The following CFAP47 variants were observed in gnomAD, a reference collection of about 807,000 sequenced individuals.
The protein encoded by CFAP47 is cilia and flagella associated protein 47.
In CFAP47, 29 loss-of-function variants were observed where a neutral mutation model predicts 148.1. The observed-to-expected ratio is 0.20, with a 90% confidence interval of 0.15 to 0.27. CFAP47 has a LOEUF of 0.27. Ranked by LOEUF, CFAP47 falls within the 10% of genes least tolerant of loss-of-function variation. The probability of loss-of-function intolerance (pLI) is 1.00; values close to 1 mark genes in which losing one functional copy is unlikely to be tolerated. For synonymous variants in CFAP47, 664 were observed against 577.3 expected (o/e 1.15, Z -2.15); for missense variants, 1,872 against 1,697.5 (o/e 1.10, Z -1.81).
intron 16 of CFAP47, chrX:35,990,158 G>A (rs1207717899): frequency 9.0e-6 from 1 of 111,704 alleles, no homozygotes; most frequent in Admixed American, 9.5e-5. Context: ...ATATACGAAG[G>A]CCTGATTGGT....
intron 25 of CFAP47, among the ~76,000 whole-genome samples, chrX:36,042,754 A>G (rs1408415259): frequency 1.8e-5 from 2 of 112,011 alleles, no homozygotes; most frequent in African/African-American, 3.2e-5. Context: ...AAATAAATTT[A>G]CATATTTCAT....
chrX:36,002,535 T>A (rs1444561187), intron 21 of CFAP47, among the ~76,000 whole-genome samples: 11 of 110,693 alleles, frequency 9.9e-5, no homozygotes, highest in Non-Finnish European at 1.7e-4. Flanking sequence ...TGAGCCAAGA[T>A]CGCGCCATTG....
chrX:36,095,933 G>A (rs1329719131), intron 30 of CFAP47, among the ~76,000 whole-genome samples: 1 of 110,894 alleles, frequency 9.0e-6, no homozygotes, highest in African/African-American at 3.3e-5. Context: ...CTTTCCTTAA[G>A]ATGGAATGTA....
At chrX:36,246,972 C>T (rs190979295) in intron 48 of CFAP47, among the ~76,000 whole-genome samples, 1 of 111,331 alleles carries the variant, frequency 9.0e-6, no homozygotes, top group East Asian at 2.8e-4. Context: ...GACACATGAA[C>T]TCATATGTTC....
chrX:36,100,892 G>T (rs1938364648), intron 32 of CFAP47, among the ~76,000 whole-genome samples: 1 of 111,256 alleles, frequency 9.0e-6, no homozygotes, highest in African/African-American at 3.3e-5. Flanking sequence ...TGCAGGTAGT[G>T]CTTATTTCTT....
chrX:36,165,201 A>G (rs1387648372), intron 39 of CFAP47, among the ~76,000 whole-genome samples: 2 of 111,810 alleles, frequency 1.8e-5, no homozygotes, highest in Non-Finnish European at 3.8e-5. Context: ...TTATTTAATC[A>G]ATTCACAAAT....
At chrX:36,190,839 G>A (rs928308415) in intron 42 of CFAP47, among the ~76,000 whole-genome samples, 22 of 110,876 alleles carry the variant, frequency 2.0e-4, no homozygotes, top group Middle Eastern at 4.7e-3. Context: ...CTGAGGGAAG[G>A]TTTATAGCAT....
chrX:35,967,422 TTTA>T (rs776440627), intron 9 of CFAP47, among the ~76,000 whole-genome samples, 194 bp from the exon 10 acceptor site: 3 of 111,039 alleles, frequency 2.7e-5, no homozygotes, highest in African/African-American at 9.8e-5. Flanking sequence ...TATATGCATT[TTTA>T]TTATTCATAT....
intron 46 of CFAP47, among the ~76,000 whole-genome samples, chrX:36,234,945 C>T (rs1405668814): frequency 4.5e-5 from 5 of 111,401 alleles, no homozygotes; most frequent in African/African-American, 1.3e-4. Context: ...TCGTGAACTG[C>T]GAATGCTGCT....
intron 45 of CFAP47, among the ~76,000 whole-genome samples, chrX:36,219,137 G>T (rs991679042): frequency 8.9e-6 from 1 of 111,755 alleles, no homozygotes; most frequent in Non-Finnish European, 1.9e-5. Context: ...ATTCTCTACA[G>T]ATACAAAATT....
At chrX:36,017,745 G>A (rs1441289383) in intron 22 of CFAP47, among the ~76,000 whole-genome samples, 1 of 111,135 alleles carries the variant, frequency 9.0e-6, no homozygotes, top group Admixed American at 9.6e-5. Flanking sequence ...TTGTCTATGT[G>A]TCTGTTTTTC....
At chrX:36,004,773 G>C (rs1936961654) in intron 21 of CFAP47, among the ~76,000 whole-genome samples, 2 of 110,499 alleles carry the variant, frequency 1.8e-5, no homozygotes, top group South Asian at 7.6e-4. Context: ...TCTTGGGGTT[G>C]ATGGAAACAT....
chrX:35,975,675 T>C lies in CFAP47; in HGVS notation c.2475T>C (p.Ser825=). Residue 825 remains serine, a synonymous_variant, in exon 15 of 64, where the codon TCT becomes TCC. Transcript: ENST00000378653. ...GGATGCTTTTGCTGCATTACAGGTC[T>C]TTCACCTTTACAGTGAACAATGTAC... ...DSPTIGKFWK[S]FTFTVNNVPS... is the part of the protein sequence containing the mutation. 7 of 1,209,753 alleles carry C rather than the reference T, an allele frequency of 5.8e-6. No homozygotes were observed. Among genetic ancestry groups the C allele is most frequent in the Non-Finnish European group, 7.8e-6 (7 of 894,035 alleles).
intron 29 of CFAP47, among the ~76,000 whole-genome samples, chrX:36,074,311 G>A (rs1937808568): frequency 9.0e-6 from 1 of 111,534 alleles, no homozygotes. Context: ...TGTCAGAAAT[G>A]CTCTTTGTTG....
At position 35,989,377 on chromosome X, in the gene CFAP47, T is replaced by C; in HGVS notation, c.2772T>C (p.Ser924=). The change falls in exon 16 of 64, where the codon AGT becomes AGC. Residue 924 remains serine (S), a synonymous_variant. Transcript: ENST00000378653. ...ECEVTWQQGF[S]SPEEGEFILH... is the part of the protein sequence containing the mutation. ...AAGTAACTTGGCAGCAGGGCTTCAG[T>C]TCTCCAGAAGAAGGAGAATTTATTC... The C allele has an allele frequency of 8.3e-7, 1 of 1,211,317 alleles. No homozygotes were observed. Among genetic ancestry groups the C allele is most frequent in the Non-Finnish European group, 1.1e-6 (1 of 894,921 alleles).
At chrX:36,157,214 A>G (rs1939378681) in intron 37 of CFAP47, among the ~76,000 whole-genome samples, 2 of 112,396 alleles carry the variant, frequency 1.8e-5, no homozygotes, top group African/African-American at 6.5e-5. Context: ...TTTAACAGAA[A>G]TTTAAACCTT....
intron 49 of CFAP47, among the ~76,000 whole-genome samples, chrX:36,277,662 A>C (rs782336413): frequency 8.9e-6 from 1 of 112,596 alleles, no homozygotes; most frequent in Non-Finnish European, 1.9e-5. Flanking sequence ...ATGTGTTTTC[A>C]GTTTAATCTC....
At chrX:36,192,465 C>A (rs1395485845) in intron 42 of CFAP47, among the ~76,000 whole-genome samples, 1 of 111,647 alleles carries the variant, frequency 9.0e-6, no homozygotes, top group Non-Finnish European at 1.9e-5. Flanking sequence ...TCTGTCTTCA[C>A]TGTAGTGTCT....
At chrX:36,364,901 CATATATATATATATATATAT>C (rs60748143) in intron 61 of CFAP47, among the ~76,000 whole-genome samples, 3,656 of 67,344 alleles carry the variant, frequency 0.054, 166 homozygotes, top group African/African-American at 0.13. Flanking sequence ...ATATTTTGTG[CATATATATATATATATATAT>C]ATATATATAT....
Sources: allele counts gnomAD v4.1 joint callset (sites outside exome capture counted in the v4.1 genomes callset), GRCh38; gene constraint gnomAD v4.1.1; transcripts MANE v1.5; gene names NCBI Gene and HGNC (gene_info 2026-07-23, HGNC 2026-07-21).